EVI5L: variants seen among roughly 807,000 people sequenced by gnomAD.
The protein encoded by EVI5L is ecotropic viral integration site 5 like.
A neutral mutation model predicts 106.1 loss-of-function variants in EVI5L; 30 were observed. The ratio of observed to expected loss-of-function variants is 0.28; its 90% CI spans 0.21 to 0.38. The LOEUF (loss-of-function observed/expected upper bound fraction) is 0.38, where lower values mean the gene tolerates loss of function less well. EVI5L is among the 10% of genes least tolerant of loss of function. EVI5L has a pLI of 1.00. For synonymous variants in EVI5L, 489 were observed against 483.3 expected (o/e 1.01, Z -0.15); for missense variants, 809 against 1,098.0 (o/e 0.74, Z 3.72).
In EVI5L at chr19:7,858,757, CTGTT is replaced by C. The variant is rs984640339; in HGVS notation, c.1374+429_1374+432del. 3.5e-5 allele frequency: 6 copies of C among 170,112 alleles called. No homozygotes were observed. The highest frequency in any genetic ancestry group is 1.4e-4 in the African/African-American group (6 of 42,032). The allele number at this position is 170,112 out of a possible 1,614,324, so 10.5% of individuals were successfully genotyped here. On this transcript the variant is annotated intron_variant, in intron 13 of 19. Transcript: ENST00000538904. This position sits in a 1 kb window ranked among gnomAD's most constrained non-coding sequence, Gnocchi z 5.7. Reference sequence around the variant, plus strand: ...AGAATGGGAGCAGGGCAGTCCGGGACTGTTTGGGGAGCTCTGAGCCAGCAGGGTG... The same window carrying C: ...AGAATGGGAGCAGGGCAGTCCGGGACTGGGGAGCTCTGAGCCAGCAGGGTG...
At position 7,857,219 on chromosome 19, in the gene EVI5L, C is replaced by A; in HGVS notation, c.1233+95C>A. ...CAGTAACCGCCTCTTCCCTGCCATT[C>A]TGCGGGCAGGCCTGGCGCCATGCAT... On this transcript the variant is annotated intron_variant, in intron 12 of 19. Transcript: ENST00000538904. This position sits in a 1 kb window ranked among gnomAD's most constrained non-coding sequence, Gnocchi z 4.5. 1 of 1,492,288 alleles carries A rather than the reference C, an allele frequency of 6.7e-7. No homozygotes were observed. The highest frequency in any genetic ancestry group is 9.1e-7 in the Non-Finnish European group (1 of 1,094,642). The allele number at this position is 1,492,288 out of a possible 1,614,324, so 92.4% of individuals were successfully genotyped here.
intron 1 of EVI5L, among the ~76,000 whole-genome samples, chr19:7,843,127 C>T (rs1174672927): frequency 1.0e-5 from 1 of 95,590 alleles, no homozygotes; most frequent in Non-Finnish European, 2.1e-5. Context: ...GTGTCATGTG[C>T]ATGTGTGTGT....
At chr19:7,844,304 C>A (rs1568235965) in intron 1 of EVI5L, among the ~76,000 whole-genome samples, 3 of 149,152 alleles carry the variant, frequency 2.0e-5, no homozygotes, top group Admixed American at 1.3e-4. Context: ...TGCACTCCAG[C>A]CTGGGCAACA....
In EVI5L at chr19:7,850,361, T is replaced by C. The variant is rs1286259279; in HGVS notation, c.753+239T>C. ...CTTGGAGGAACAGGAGAGCCACCAC[T>C]GAAGGGGGGCTCCCAGGGCTGCTGA... On this transcript the variant is annotated intron_variant, in intron 6 of 19. Transcript: ENST00000538904. The surrounding 1 kb of genome is among the most constrained non-coding windows in gnomAD (Gnocchi z 5.4). Among the ~76,000 whole-genome samples, 3 of 152,042 alleles carry C rather than the reference T, an allele frequency of 2.0e-5. No homozygotes were observed. The highest frequency in any genetic ancestry group is 2.9e-5 in the Non-Finnish European group (2 of 67,974).
At position 7,848,679 on chromosome 19, in the gene EVI5L, G is replaced by A. The variant is rs1416885988; in HGVS notation, c.328-242G>A. 1.3e-5 allele frequency among the ~76,000 whole-genome samples: 2 copies of A among 152,190 alleles called. No individual in the cohort carries two copies. The highest frequency in any genetic ancestry group is 4.8e-5 in the African/African-American group (2 of 41,446). ...AGCTACTCAGGAAGCTGAGGCAGGA[G>A]GATCGCTTGAGCCCAGGAGTTCAAG... On this transcript the variant is annotated intron_variant, in intron 3 of 19. Coordinates refer to ENST00000538904, the MANE Select transcript of EVI5L (RefSeq NM_001159944.3). The surrounding 1 kb of genome is among the most constrained non-coding windows in gnomAD (Gnocchi z 4.8).
rs1453104363 is a variant in EVI5L at position 7,850,394 on chromosome 19, G to A, written c.753+272G>A. Among the ~76,000 whole-genome samples, 2 of 152,184 alleles carry A rather than the reference G, an allele frequency of 1.3e-5. No individual in the cohort carries two copies. Among genetic ancestry groups the A allele is most frequent in the Admixed American group, 6.5e-5 (1 of 15,292 alleles). ...GGCTCCCAGGGCTGCTGAGGCAGAG[G>A]GGTGGGGCAGGCTCACATCGGACAC... On this transcript the variant is annotated intron_variant, in intron 6 of 19. Coordinates refer to ENST00000538904, the MANE Select transcript of EVI5L (RefSeq NM_001159944.3). This position sits in a 1 kb window ranked among gnomAD's most constrained non-coding sequence, Gnocchi z 5.4.
chr19:7,843,364 GA>G (rs1402568945), intron 1 of EVI5L, among the ~76,000 whole-genome samples: 2 of 145,534 alleles, frequency 1.4e-5, no homozygotes, highest in Non-Finnish European at 1.5e-5. Context: ...GTGAGTGTGA[GA>G]ATAGGCATGG....
Position 7,853,349 on chromosome 19 carries a change from C to G in EVI5L, c.1146+16C>G. 5 of 1,604,876 alleles carry G rather than the reference C, an allele frequency of 3.1e-6. No homozygotes were observed. Among genetic ancestry groups the G allele is most frequent in the Non-Finnish European group, 4.2e-6 (5 of 1,176,524 alleles). ...CGAGATCAAAGTGAGTCCAGGGGCC[C>G]AGGGGCGGGGACAGGGATGGGAGGC... On this transcript the variant is annotated intron_variant, in intron 10 of 19. Coordinates refer to ENST00000538904, the MANE Select transcript of EVI5L (RefSeq NM_001159944.3).
At chr19:7,849,896 G>T in intron 5 of EVI5L, 101 bp from the exon 6 acceptor site, 2 of 923,266 alleles carry the variant, frequency 2.2e-6, no homozygotes, top group South Asian at 3.1e-5. Flanking sequence ...GCCAGGTACC[G>T]ACATGGACAT....
At chr19:7,859,629 T>C (rs1478567939) in intron 13 of EVI5L, among the ~76,000 whole-genome samples, 2 of 152,308 alleles carry the variant, frequency 1.3e-5, no homozygotes, top group Admixed American at 6.5e-5. Flanking sequence ...TGAGGCAGCA[T>C]GGACATTAGG....
rs1979354427 is a variant in EVI5L, at chr19:7,853,344, G to A, written c.1146+11G>A. ...CAGATCGAGATCAAAGTGAGTCCAG[G>A]GGCCCAGGGGCGGGGACAGGGATGG... On this transcript the variant is annotated intron_variant, in intron 10 of 19. Transcript: ENST00000538904. 4.4e-6 allele frequency: 7 copies of A among 1,605,992 alleles called. No individual in the cohort carries two copies. The highest frequency in any genetic ancestry group is 5.9e-6 in the Non-Finnish European group (7 of 1,177,044).
chr19:7,863,301 C>A lies in EVI5L; in HGVS notation c.2139+21C>A, dbSNP rs745603767. Reference sequence around the variant, plus strand: ...CCGAGGTGAGCCGGCGCGGGGATGCCGGGGACAGGCCTGGGTGTCGTCGGC... The same window carrying A: ...CCGAGGTGAGCCGGCGCGGGGATGCAGGGGACAGGCCTGGGTGTCGTCGGC... On this transcript the variant is annotated intron_variant, in intron 19 of 19. Transcript: ENST00000538904. This position sits in a 1 kb window ranked among gnomAD's most constrained non-coding sequence, Gnocchi z 7.7. The A allele has an allele frequency of 6.4e-7, 1 of 1,550,624 alleles. No homozygotes were observed. The highest frequency in any genetic ancestry group is 8.7e-7 in the Non-Finnish European group (1 of 1,147,166).
Position 7,850,265 on chromosome 19 carries a change from G to A in EVI5L, c.753+143G>A. On this transcript the variant is annotated intron_variant, in intron 6 of 19. Transcript: ENST00000538904. The surrounding 1 kb of genome is among the most constrained non-coding windows in gnomAD (Gnocchi z 5.4). ...CTCTTGGACTGAAAATTCCAAGCCT[G>A]TGAAATCACACCTGGACGTTCCAAC... The A allele has an allele frequency of 8.0e-7, 1 of 1,243,362 alleles. No individual in the cohort carries two copies. Among genetic ancestry groups the A allele is most frequent in the South Asian group, 1.5e-5 (1 of 65,362 alleles). The allele number at this position is 1,243,362 out of a possible 1,614,324, so 77.0% of individuals were successfully genotyped here. A position where few individuals can be genotyped will look rare whatever the true frequency, so the allele number is the denominator to read the frequency against.
At chr19:7,849,357 C>T (rs2146425956) in intron 5 of EVI5L, 27 bp downstream of exon 5, 2 of 1,612,800 alleles carry the variant, frequency 1.2e-6, no homozygotes, top group East Asian at 4.5e-5. Context: ...TGGCTGGGCT[C>T]CTGCCAGACA....
At chr19:7,862,936 A>G in intron 17 of EVI5L, 36 bp from the exon 18 acceptor site, 42 of 889,190 alleles carry the variant, frequency 4.7e-5, no homozygotes, top group Non-Finnish European at 6.8e-5. Context: ...GCGCCCCCTG[A>G]CCCGCCCTCC....
At position 7,860,647 on chromosome 19, in the gene EVI5L, G is replaced by A; in HGVS notation, c.1461G>A (p.Gly487=). The A allele has an allele frequency of 3.8e-6, 6 of 1,595,034 alleles. No homozygotes were observed. The change falls in exon 14 of 20, where the codon GGG becomes GGA. Residue 487 remains glycine (G), a synonymous_variant. Coordinates refer to ENST00000538904, the MANE Select transcript of EVI5L (RefSeq NM_001159944.3). The stretch of plus-strand genomic sequence containing the variant: ...GGCTGCGGGAGACGGAGACACTGGG[G>A]GCCCTTCGGGAGATGCAGGACAAGG... The part of the protein sequence containing the change: ...QSRLRETETL[G]ALREMQDKVL...
rs866741940 is a variant in EVI5L at position 7,862,179 on chromosome 19, G to A, written c.1702G>A (p.Glu568Lys). The A allele has an allele frequency of 1.3e-6, 2 of 1,576,466 alleles. No homozygotes were observed. Among genetic ancestry groups the A allele is most frequent in the Non-Finnish European group, 8.6e-7 (1 of 1,165,168 alleles). ...GTCCCCACGGAAGCTGGTCGTGGGC[G>A]AGCTGCAGGACGAGCTGATGAGCGT... ...KESPRKLVVG[E>K]LQDELMSVRL... Residue 568 changes from glutamate (E) to lysine (K), a missense_variant, in exon 16 of 20, where the codon GAG becomes AAG. Physicochemically the swap from Glu to Lys is moderately conservative, Grantham distance 56 (BLOSUM62 1). Coordinates refer to ENST00000538904, the MANE Select transcript of EVI5L (RefSeq NM_001159944.3).
Position 7,858,424 on chromosome 19 carries a change from C to T in EVI5L, c.1374+93C>T, listed in dbSNP as rs114502965. ...TTCTTTCAGGGCTCATAATCTGCCC[C>T]GCCTCAGCACCTGGCCCTCCTGTTC... On this transcript the variant is annotated intron_variant, in intron 13 of 19. Transcript: ENST00000538904. This position sits in a 1 kb window ranked among gnomAD's most constrained non-coding sequence, Gnocchi z 5.7. 3.6e-5 allele frequency: 51 copies of T among 1,429,702 alleles called. No individual in the cohort carries two copies. In the East Asian group the frequency reaches 5.0e-4, roughly 14 times the overall value. The allele number at this position is 1,429,702 out of a possible 1,614,324, so 88.6% of individuals were successfully genotyped here.
chr19:7,844,371 A>T (rs1351121631), intron 1 of EVI5L, among the ~76,000 whole-genome samples: 1 of 149,830 alleles, frequency 6.7e-6, no homozygotes, highest in Non-Finnish European at 1.5e-5. Flanking sequence ...AAAGAAACCG[A>T]GGCTCGGGCA....
Sources: allele counts gnomAD v4.1 joint callset (sites outside exome capture counted in the v4.1 genomes callset), GRCh38; gene constraint gnomAD v4.1.1; non-coding constraint Gnocchi (gnomAD v3.1); transcripts MANE v1.5; gene names NCBI Gene and HGNC (gene_info 2026-07-23, HGNC 2026-07-21).